The following LRRK2 variants were observed in gnomAD, a reference collection of about 807,000 sequenced individuals.
LRRK2 encodes the protein leucine rich repeat kinase 2.
In LRRK2, 203 loss-of-function variants were observed where a neutral mutation model predicts 302.6. The observed-to-expected ratio is 0.67, with a 90% CI of 0.60 to 0.75. The LOEUF is 0.75. LRRK2 is among the 30% of genes least tolerant of loss of function. The pLI, the probability that LRRK2 is intolerant of heterozygous loss-of-function variation, is 0.00. For missense variants in LRRK2, 2,830 were observed against 2,951.0 expected (o/e 0.96, Z 0.95); for synonymous variants, 1,066 against 1,031.9 (o/e 1.03, Z -0.63).
At chr12:40,352,770 G>A (rs1444622172) in intron 44 of LRRK2, among the ~76,000 whole-genome samples, 1 of 151,520 alleles carries the variant, frequency 6.6e-6, no homozygotes, top group Non-Finnish European at 1.5e-5. Context: ...GAGAGCACCG[G>A]GTTGGGGGCA....
intron 30 of LRRK2, among the ~76,000 whole-genome samples, chr12:40,309,953 G>C (rs1346811405): frequency 6.6e-6 from 1 of 152,158 alleles, no homozygotes; most frequent in Non-Finnish European, 1.5e-5. Context: ...AAATAGTACA[G>C]TGGCAGTCAT....
At chr12:40,315,775 T>A (rs1945197052) in intron 33 of LRRK2, among the ~76,000 whole-genome samples, 1 of 148,218 alleles carries the variant, frequency 6.7e-6, no homozygotes, top group South Asian at 2.2e-4. Flanking sequence ...TGGTTATAGC[T>A]ATTTTTTTCT....
chr12:40,317,581 T>C (rs1319628394), intron 33 of LRRK2, among the ~76,000 whole-genome samples: 2 of 152,086 alleles, frequency 1.3e-5, no homozygotes, highest in Non-Finnish European at 2.9e-5. Flanking sequence ...CAAGACTCAT[T>C]TAACTGTATG....
chr12:40,346,213 T>G (rs1227002027), intron 41 of LRRK2, among the ~76,000 whole-genome samples: 1 of 152,100 alleles, frequency 6.6e-6, no homozygotes, highest in African/African-American at 2.4e-5. Flanking sequence ...AGTTGTTGTT[T>G]TTATTTTTAT....
intron 5 of LRRK2, among the ~76,000 whole-genome samples, chr12:40,239,256 G>T (rs1328188117): frequency 6.6e-6 from 1 of 152,092 alleles, no homozygotes; most frequent in Non-Finnish European, 1.5e-5. Context: ...GCATGGGCCT[G>T]GTACCCAGCT....
intron 34 of LRRK2, among the ~76,000 whole-genome samples, chr12:40,320,664 G>T (rs1050152129): frequency 1.3e-5 from 2 of 152,026 alleles, no homozygotes; most frequent in African/African-American, 4.8e-5. Context: ...ATGTTGAAAT[G>T]TGCAAATTAC....
In LRRK2 at chr12:40,225,269, G is replaced by C. The variant is rs1036182021; in HGVS notation, c.138G>C (p.Thr46=). 12 of 1,614,120 alleles carry C rather than the reference G, an allele frequency of 7.4e-6. No homozygotes were observed. Among genetic ancestry groups the C allele is most frequent in the Non-Finnish European group, 1.0e-5 (12 of 1,180,006 alleles). ...VQILEDLLVF[T]YSERASKLFQ... Reference sequence around the variant, plus strand: ...TCCTGGAGGATCTGCTGGTGTTCACGTACTCCGAGCGCGGTAATCACTTGA... The same window carrying C: ...TCCTGGAGGATCTGCTGGTGTTCACCTACTCCGAGCGCGGTAATCACTTGA... Residue 46 remains threonine, a synonymous_variant, in exon 1 of 51, where the codon ACG becomes ACC. Transcript: ENST00000298910.
intron 42 of LRRK2, among the ~76,000 whole-genome samples, chr12:40,347,903 G>A (rs1251705955): frequency 6.6e-6 from 1 of 152,048 alleles, no homozygotes; most frequent in Admixed American, 6.5e-5. Flanking sequence ...GTTGCAGTGA[G>A]CCGAGATTGC....
chr12:40,297,328 C>A (rs1200473311), intron 23 of LRRK2, among the ~76,000 whole-genome samples: 1 of 152,162 alleles, frequency 6.6e-6, no homozygotes, highest in Non-Finnish European at 1.5e-5. Flanking sequence ...AAGCTCAGAA[C>A]CTTCTCTTAG....
chr12:40,228,983 A>G (rs1486566281), intron 2 of LRRK2, among the ~76,000 whole-genome samples: 3 of 152,168 alleles, frequency 2.0e-5, no homozygotes, highest in South Asian at 2.1e-4. Context: ...CCATCATACA[A>G]TCTACTAGCT....
rs763411342 is a variant in LRRK2 at position 40,308,591 on chromosome 12, C to A, written c.4084C>A (p.Leu1362Ile). The change falls in exon 29 of 51, where the codon CTT (leucine) becomes ATT (isoleucine). Residue 1362 changes from leucine to isoleucine, a missense_variant. Transcript: ENST00000298910. ...ATTAATGAAAACCAAGAAATCAGAT[C>A]TTGGAATGCAAAGTGCCACAGTTGG... The part of the protein sequence containing the change: ...QQLMKTKKSD[L>I]GMQSATVGID... 6 of 1,613,882 alleles carry A rather than the reference C, an allele frequency of 3.7e-6. No homozygotes were observed. The African/African-American group carries it at 4.0e-5, about 11-fold the overall frequency.
At chr12:40,296,519 C>T (rs1289642443) in intron 23 of LRRK2, among the ~76,000 whole-genome samples, 5 of 151,806 alleles carry the variant, frequency 3.3e-5, no homozygotes, top group Admixed American at 2.0e-4. Context: ...GTGGTCCCAG[C>T]TACTTGGGAT....
chr12:40,231,746 A>G (rs975635978), intron 2 of LRRK2, among the ~76,000 whole-genome samples: 1 of 147,542 alleles, frequency 6.8e-6, no homozygotes, highest in African/African-American at 2.5e-5. Flanking sequence ...AATTATATGT[A>G]TTTATATATA....
intron 41 of LRRK2, among the ~76,000 whole-genome samples, chr12:40,341,207 C>A (rs1198261228): frequency 6.6e-6 from 1 of 152,142 alleles, no homozygotes; most frequent in East Asian, 1.9e-4. Context: ...AACACTCTAT[C>A]TTTAGGGAAA....
rs111241527 is a variant in LRRK2, at chr12:40,276,639, T to C, written c.1942-1249T>C. ...AGTTTTTAATTCGAATGACGTACTT[T>C]CTGCACATTTGCATGGCCTGCTCTG... On this transcript the variant is annotated intron_variant, in intron 16 of 50. Coordinates refer to ENST00000298910, the MANE Select transcript of LRRK2 (RefSeq NM_198578.4). Among the ~76,000 whole-genome samples, 483 of 152,286 alleles carry C rather than the reference T, an allele frequency of 3.2e-3. 6 individuals carry two copies. The highest frequency in any genetic ancestry group is 0.01 in the African/African-American group (427 of 41,560).
intron 39 of LRRK2, among the ~76,000 whole-genome samples, chr12:40,328,777 C>G (rs1945625653): frequency 6.6e-6 from 1 of 152,078 alleles, no homozygotes; most frequent in Non-Finnish European, 1.5e-5. Context: ...GGACAAGCAG[C>G]CAGGCATTAC....
chr12:40,307,042 T>C (rs1416338121), intron 28 of LRRK2, among the ~76,000 whole-genome samples: 1 of 151,034 alleles, frequency 6.6e-6, no homozygotes, highest in Non-Finnish European at 1.5e-5. Context: ...AACTAAATAT[T>C]TTTAATATTT....
chr12:40,367,537 T>C (rs761827301), intron 50 of LRRK2, 107 bp from the exon 51 acceptor site: 310 of 1,062,054 alleles, frequency 2.9e-4, no homozygotes, highest in Non-Finnish European at 3.7e-4. Flanking sequence ...TGTGTTTATA[T>C]TTACATTTAT....
At position 40,303,977 on chromosome 12, in the gene LRRK2, A is replaced by T. The variant is rs763220774; in HGVS notation, c.3620A>T (p.Asp1207Val). ...HLRSLDMSSN[D>V]IQYLPGPAHW... ...CGGTCTTTAGATATGAGCAGCAATG[A>T]TATTCAGTACCTACCAGGTCCCGCA... The change falls in exon 27 of 51, where the codon GAT (aspartate) becomes GTT (valine). Residue 1207 changes from aspartate (D) to valine (V), a missense_variant. Asp to Val is a radical substitution (Grantham distance 152). This residue lies in a region of LRRK2 where 2,121 missense variants were observed against 2,148.0 expected (regional missense o/e 0.99). Coordinates refer to ENST00000298910, the MANE Select transcript of LRRK2 (RefSeq NM_198578.4). The T allele has an allele frequency of 1.9e-6, 3 of 1,613,644 alleles. No homozygotes were observed. The highest frequency in any genetic ancestry group is 2.7e-5 in the African/African-American group (2 of 74,902).
Sources: gnomAD v4.1 joint callset for allele counts (sites outside exome capture counted in the v4.1 genomes callset) on GRCh38, gnomAD v4.1.1 for gene constraint, gnomAD v4.1.1 regional missense constraint, MANE v1.5 for transcripts, NCBI Gene and HGNC (gene_info 2026-07-23, HGNC 2026-07-21) for gene names.